Variants in SRI observed in about 807,000 individuals in gnomAD.
The protein encoded by SRI is 22 kDa protein.
SRI carries 30 observed loss-of-function variants against 33.3 expected under a neutral mutation model. That is an observed-to-expected ratio of 0.90 (90% CI 0.67 to 1.22). The LOEUF (loss-of-function observed/expected upper bound fraction) is 1.22, where lower values mean the gene tolerates loss of function less well. SRI is among the 50% of genes most tolerant of loss of function. SRI has a pLI of 0.00. For synonymous variants in SRI, 75 were observed against 89.9 expected, an observed-to-expected ratio of 0.83 and a Z score of 0.94; for missense variants, 243 against 250.8, an observed-to-expected ratio of 0.97 and a Z score of 0.21.
At chr7:88,206,636 G>T in intron 7 of SRI, 132 bp from the exon 8 acceptor site, 1 of 913,282 alleles carries the variant, frequency 1.1e-6, no homozygotes, top group Non-Finnish European at 1.7e-6. Flanking sequence ...TAAGATATGA[G>T]TAAATGATAG....
upstream of SRI, chr7:88,220,231 C>T: frequency 1.0e-6 from 1 of 984,450 alleles, no homozygotes; most frequent in Non-Finnish European, 1.2e-6. Flanking sequence ...GCCATTACGG[C>T]GCTAATGCAG....
intron 1 of SRI, among the ~76,000 whole-genome samples, chr7:88,219,646 C>CGGGGGGGGGGGGGGGGGG (rs1037650347): frequency 2.1e-4 from 1 of 4,692 alleles, no homozygotes; most frequent in Non-Finnish European, 3.9e-4. Flanking sequence ...ACCAAGAAGG[C>CGGGGGGGGGGGGGGGGGG]GGGGGTGGGG....
At chr7:88,212,076 CTTG>C (rs1247545872) in intron 3 of SRI, among the ~76,000 whole-genome samples, 1 of 152,254 alleles carries the variant, frequency 6.6e-6, no homozygotes, top group Non-Finnish European at 1.5e-5. Context: ...ATTCTGCAAG[CTTG>C]TTAACACACA....
chr7:88,206,391 T>C lies in SRI; in HGVS notation c.*87A>G. 6.8e-7 allele frequency: 1 copy of C among 1,465,594 alleles called. No individual in the cohort carries two copies. Among genetic ancestry groups the C allele is most frequent in the Non-Finnish European group, 9.6e-7 (1 of 1,044,858 alleles). The allele number at this position is 1,465,594 out of a possible 1,614,324, so 90.8% of individuals were successfully genotyped here. On this transcript the variant is annotated 3_prime_UTR_variant, in exon 8 of 8. Transcript: ENST00000265729. Reference sequence around the variant, plus strand: ...TGTTAAGAGAAAGTCGTGATGTAAGTTTATACATATTACCGAAGGCAAAGA... The same window carrying C: ...TGTTAAGAGAAAGTCGTGATGTAAGCTTATACATATTACCGAAGGCAAAGA...
chr7:88,205,629 C>T lies in SRI; in HGVS notation c.*849G>A, dbSNP rs1297138089. The T allele has an allele frequency of 6.6e-6, 1 of 152,150 alleles. No individual in the cohort carries two copies. The highest frequency in any genetic ancestry group is 1.5e-5 in the Non-Finnish European group (1 of 68,036). 9.4% of individuals were successfully genotyped at this position (152,150 alleles called of 1,614,324 possible). ...AGCCAGATCAATGTTTTGGTACATA[C>T]TTTCCGATACTCTGCTATGTGTATT... On this transcript the variant is annotated 3_prime_UTR_variant, in exon 8 of 8. Coordinates refer to ENST00000265729, the MANE Select transcript of SRI (RefSeq NM_003130.4).
chr7:88,220,073 TCCG>T (rs778566030), upstream of SRI: 1 of 1,490,662 alleles, frequency 6.7e-7, no homozygotes, highest in East Asian at 2.8e-5. Flanking sequence ...GCCAGGCCTC[TCCG>T]CCCCCTGCCC....
At chr7:88,215,077 C>T (rs1851674800) in intron 3 of SRI, 1 of 350,424 alleles carries the variant, frequency 2.9e-6, no homozygotes, top group Non-Finnish European at 5.7e-6. Flanking sequence ...CTGGAGTATC[C>T]CACCTGCTCA....
chr7:88,226,490 G>A (rs577852046), intron 1 of SRI, among the ~76,000 whole-genome samples: 12 of 152,154 alleles, frequency 7.9e-5, no homozygotes, highest in Admixed American at 2.6e-4. Context: ...TGTTCAATAA[G>A]CTGGGAGAGG....
At chr7:88,222,128 G>C (rs1391052075), upstream of SRI, among the ~76,000 whole-genome samples, 3 of 139,300 alleles carry the variant, frequency 2.2e-5, no homozygotes, top group African/African-American at 2.7e-5. Flanking sequence ...TTGCTATTGT[G>C]AATAATGCCG....
intron 3 of SRI, 98 bp downstream of exon 3, chr7:88,217,024 C>G (rs1022091516): frequency 8.9e-7 from 1 of 1,118,282 alleles, no homozygotes; most frequent in Non-Finnish European, 1.4e-6. Flanking sequence ...TTGCTAGATC[C>G]GACAAGCTCA....
intron 3 of SRI, among the ~76,000 whole-genome samples, chr7:88,211,161 G>A (rs1429760338): frequency 6.6e-6 from 1 of 152,146 alleles, no homozygotes. Context: ...CTTTTAAAAA[G>A]TATTACATAG....
chr7:88,222,498 G>A (rs985187077), upstream of SRI, among the ~76,000 whole-genome samples: 1 of 151,430 alleles, frequency 6.6e-6, no homozygotes, highest in African/African-American at 2.4e-5. Flanking sequence ...TTTGAGAAGT[G>A]TCTGTTCATG....
At chr7:88,209,534 T>G (rs754300319) in intron 5 of SRI, 82 bp from the exon 6 acceptor site, 23 of 1,044,704 alleles carry the variant, frequency 2.2e-5, no homozygotes, top group Non-Finnish European at 3.3e-5. Context: ...ACTATTTTAT[T>G]TTTTAAGACT....
intron 3 of SRI, among the ~76,000 whole-genome samples, chr7:88,211,157 A>G (rs113467813): frequency 3.9e-5 from 6 of 152,220 alleles, no homozygotes; most frequent in African/African-American, 1.4e-4. Flanking sequence ...ATTCCTTTTA[A>G]AAAGTATTAC....
At position 88,209,971 on chromosome 7, in the gene SRI, A is replaced by G; in HGVS notation, c.397+12T>C. The G allele has an allele frequency of 6.2e-7, 1 of 1,614,104 alleles. No individual in the cohort carries two copies. The highest frequency in any genetic ancestry group is 1.3e-5 in the African/African-American group (1 of 75,020). ...TACCAATGAATGGAGAGTTCTAGTA[A>G]GCCATACCTACCCATTGTTGTCAGG... On this transcript the variant is annotated intron_variant, in intron 5 of 7. Coordinates refer to ENST00000265729, the MANE Select transcript of SRI (RefSeq NM_003130.4).
chr7:88,222,801 A>G (rs1851918099), upstream of SRI, among the ~76,000 whole-genome samples: 1 of 152,226 alleles, frequency 6.6e-6, no homozygotes, highest in Non-Finnish European at 1.5e-5. Flanking sequence ...AGCCATATGT[A>G]GGAAGCTAAA....
chr7:88,217,472 A>T (rs147303423), intron 2 of SRI, among the ~76,000 whole-genome samples: 328 of 151,386 alleles, frequency 2.2e-3, no homozygotes, highest in African/African-American at 7.7e-3. Context: ...ATTTTAAAAT[A>T]TTTTTTTTTG....
At chr7:88,218,427 T>C (rs948601153) in intron 2 of SRI, among the ~76,000 whole-genome samples, 1 of 152,252 alleles carries the variant, frequency 6.6e-6, no homozygotes, top group Non-Finnish European at 1.5e-5. Flanking sequence ...GAACAGTAAC[T>C]TCCTTATTTA....
intron 7 of SRI, among the ~76,000 whole-genome samples, chr7:88,206,925 A>C (rs1563470419): frequency 6.6e-6 from 1 of 152,196 alleles, no homozygotes; most frequent in Admixed American, 6.5e-5. Flanking sequence ...GGAACACCTT[A>C]AACAGTTTAT....
Sources: allele counts gnomAD v4.1 joint callset (sites outside exome capture counted in the v4.1 genomes callset), GRCh38; gene constraint gnomAD v4.1.1; transcripts MANE v1.5; gene names NCBI Gene and HGNC (gene_info 2026-07-23, HGNC 2026-07-21).